YBEY: variants seen among roughly 807,000 people sequenced by gnomAD.
YBEY encodes the protein endoribonuclease YbeY.
A neutral mutation model predicts 13.5 loss-of-function variants in YBEY; 15 were observed. The observed-to-expected ratio is 1.11, with a 90% CI of 0.75 to 1.72. The LOEUF is 1.72. YBEY is among the 40% of genes most tolerant of loss of function. The pLI, the probability that YBEY is intolerant of heterozygous loss-of-function variation, is 0.00. For synonymous variants in YBEY, 101 were observed against 83.1 expected, an observed-to-expected ratio of 1.21 and a Z score of -1.17; for missense variants, 244 against 208.4, an observed-to-expected ratio of 1.17 and a Z score of -1.05.
chr21:46,295,402 G>T (rs2081917983), intron 3 of YBEY, among the ~76,000 whole-genome samples: 1 of 151,838 alleles, frequency 6.6e-6, no homozygotes, highest in South Asian at 2.1e-4. Context: ...CCAAACCCCA[G>T]GGGAGTGCTA....
chr21:46,299,526 G>C (rs144277310), downstream of YBEY, among the ~76,000 whole-genome samples: 19 of 152,240 alleles, frequency 1.2e-4, no homozygotes, highest in Non-Finnish European at 2.4e-4. Flanking sequence ...TGCTCCCAGA[G>C]TCACCCGGCC....
At chr21:46,291,925 A>G in intron 3 of YBEY, 3 of 761,412 alleles carry the variant, frequency 3.9e-6, no homozygotes, top group Non-Finnish European at 3.2e-6. Context: ...TTTAACACAG[A>G]GCTAGCCAAG....
the YBEY span, among the ~76,000 whole-genome samples, chr21:46,303,729 ATATATATATATATATATTTTTTT>A: frequency 3.7e-5 from 1 of 27,182 alleles, no homozygotes; most frequent in African/African-American, 1.8e-4. Context: ...ATATATATAT[ATATATATATATATATATTTTTTT>A]TTTTTTTTTT....
chr21:46,302,007 G>A (rs2082124849), downstream of YBEY: 2 of 1,532,622 alleles, frequency 1.3e-6, no homozygotes, highest in South Asian at 1.2e-5. Context: ...ACTCAGGGTG[G>A]GCCAGGCGTC....
rs965322762 is a variant in YBEY, at chr21:46,287,182, CGTTTT to C, written c.210+80_210+84del. On this transcript the variant is annotated intron_variant, in intron 2 of 4. Coordinates refer to ENST00000397701, the MANE Select transcript of YBEY (RefSeq NM_001314025.2). ...CATCTTCCCAGAGTAAATTTCCTGT[CGTTTT>C]GTTTTGTTTTGTTTTGTTTTTTAAT... 1.8e-4 allele frequency: 267 copies of C among 1,481,850 alleles called. 3 individuals carry two copies. Among genetic ancestry groups the C allele is most frequent in the South Asian group, 1.3e-3 (105 of 79,300 alleles). The allele number at this position is 1,481,850 out of a possible 1,614,324, so 91.8% of individuals were successfully genotyped here.
chr21:46,305,147 G>C, the YBEY span, among the ~76,000 whole-genome samples: 1 of 152,154 alleles, frequency 6.6e-6, no homozygotes, highest in East Asian at 1.9e-4. Context: ...AACAGAGGAA[G>C]GTGGTTGCCA....
intron 3 of YBEY, among the ~76,000 whole-genome samples, chr21:46,294,457 CG>C (rs2081871628): frequency 3.0e-5 from 2 of 66,246 alleles, no homozygotes; most frequent in African/African-American, 5.9e-5. Flanking sequence ...GACCCGTGCC[CG>C]GGACTCAGTG....
chr21:46,308,189 G>A, the YBEY span, among the ~76,000 whole-genome samples: 1 of 152,022 alleles, frequency 6.6e-6, no homozygotes, highest in Admixed American at 6.6e-5. Flanking sequence ...CTGCCCAGGC[G>A]CGGTGGCTCA....
Position 46,291,351 on chromosome 21 carries a change from AT to A in YBEY, c.231del (p.Gln79SerfsTer15). On this transcript the variant is annotated frameshift_variant, in exon 3 of 5. Coordinates refer to ENST00000397701, the MANE Select transcript of YBEY (RefSeq NM_001314025.2). LOFTEE classifies it high-confidence loss of function. ...TTTTTTAGCATCTGAAAGCAGGTGA[AT>A]TTCCCCAGCCTGATTTTCCAGATGA... is the stretch of plus-strand genomic sequence containing the variant. ...PFHEHLKAGE[F>X]PQPDFPDDYN... 6.2e-7 allele frequency: 1 copy of A among 1,614,052 alleles called. No individual in the cohort carries two copies. The highest frequency in any genetic ancestry group is 1.1e-5 in the South Asian group (1 of 91,054).
Position 46,288,300 on chromosome 21 carries a change from G to C in YBEY, c.210+1177G>C, listed in dbSNP as rs75186330. Among the ~76,000 whole-genome samples, 1,508 of 152,302 alleles carry C rather than the reference G, an allele frequency of 9.9e-3. 29 individuals are homozygous for C. Among genetic ancestry groups the C allele is most frequent in the African/African-American group, 0.035 (1,457 of 41,552 alleles). On this transcript the variant is annotated intron_variant, in intron 2 of 4. Coordinates refer to ENST00000397701, the MANE Select transcript of YBEY (RefSeq NM_001314025.2). Reference sequence around the variant, plus strand: ...TCCCACATTGTAGCAGCAGGAATTGGAGCAATCCTTTGGGAAAGCAACTTG... The same window carrying C: ...TCCCACATTGTAGCAGCAGGAATTGCAGCAATCCTTTGGGAAAGCAACTTG...
At chr21:46,296,028 C>T (rs2081941828) in intron 3 of YBEY, 134 bp from the exon 4 acceptor site, 7 of 803,842 alleles carry the variant, frequency 8.7e-6, no homozygotes, top group Non-Finnish European at 1.2e-5. Context: ...CCTGTAATTC[C>T]TGCCCAGGGG....
chr21:46,301,795 AG>A (rs2082116060), downstream of YBEY: 1 of 1,242,628 alleles, frequency 8.0e-7, no homozygotes, highest in African/African-American at 1.6e-5. Context: ...ACCCGGAGCA[AG>A]GGATGCCCCC....
chr21:46,301,082 T>TC, downstream of YBEY: 1 of 1,008,684 alleles, frequency 9.9e-7, no homozygotes, highest in Non-Finnish European at 1.2e-6. Flanking sequence ...ATTAGCACTC[T>TC]CCCTTTTTTT....
At chr21:46,292,967 G>C (rs1227538288) in intron 3 of YBEY, among the ~76,000 whole-genome samples, 1 of 36,128 alleles carries the variant, frequency 2.8e-5, no homozygotes. Context: ...CGGTTAGCCT[G>C]ACCCGTGCCC....
At chr21:46,311,650 C>A in the YBEY span, 1 of 704,736 alleles carries the variant, frequency 1.4e-6, no homozygotes, top group South Asian at 2.5e-5. Flanking sequence ...CATCCACCCA[C>A]CCATCCAACC....
chr21:46,288,051 A>AC (rs1569093276), intron 2 of YBEY, among the ~76,000 whole-genome samples: 1 of 151,742 alleles, frequency 6.6e-6, no homozygotes, highest in Non-Finnish European at 1.5e-5. Flanking sequence ...ACTAGCGTCC[A>AC]CCCCCCTTCC....
intron 2 of YBEY, among the ~76,000 whole-genome samples, chr21:46,290,646 C>T (rs996995232): frequency 2.6e-4 from 40 of 152,250 alleles, no homozygotes; most frequent in Non-Finnish European, 4.4e-4. Flanking sequence ...CAGTGGCTCA[C>T]GCCTGTAATC....
At chr21:46,299,923 T>C (rs2082064878), downstream of YBEY, among the ~76,000 whole-genome samples, 1 of 152,064 alleles carries the variant, frequency 6.6e-6, no homozygotes, top group Admixed American at 6.5e-5. Context: ...AGGGGGACTG[T>C]GTATGGGGGT....
chr21:46,304,762 C>G, the YBEY span, among the ~76,000 whole-genome samples: 2 of 152,116 alleles, frequency 1.3e-5, no homozygotes, highest in African/African-American at 4.8e-5. Flanking sequence ...CATTAGAGGG[C>G]AAAAAGGACT....
Sources: gnomAD v4.1 joint callset for allele counts (sites outside exome capture counted in the v4.1 genomes callset) on GRCh38, gnomAD v4.1.1 for gene constraint, MANE v1.5 for transcripts, NCBI Gene and HGNC (gene_info 2026-07-23, HGNC 2026-07-21) for gene names.